Variants in MIB1 observed in about 807,000 individuals in gnomAD.
The protein encoded by MIB1 is MIB E3 ubiquitin protein ligase 1.
Under a neutral mutation model 124.5 loss-of-function variants are expected in MIB1, and 278 were observed. The observed-to-expected ratio is 2.23, with a 90% CI of 2.02 to 2.47. The LOEUF (loss-of-function observed/expected upper bound fraction) is 2.47, where lower values mean the gene tolerates loss of function less well. Among genes scored for constraint, MIB1 ranks in the 30% most tolerant of loss-of-function variants. The probability of loss-of-function intolerance (pLI) is 0.00; values close to 1 mark genes in which losing one functional copy is unlikely to be tolerated. For missense variants in MIB1, 957 were observed against 1,254.4 expected, an observed-to-expected ratio of 0.76 and a Z score of 3.58; for synonymous variants, 446 against 429.4, an observed-to-expected ratio of 1.04 and a Z score of -0.48.
At chr18:21,718,504 A>T (rs2040699643) in intron 1 of MIB1, among the ~76,000 whole-genome samples, 1 of 152,252 alleles carries the variant, frequency 6.6e-6, no homozygotes, top group Non-Finnish European at 1.5e-5. Flanking sequence ...TGGAATGTTC[A>T]GCCCAGTGAA....
chr18:21,856,472 A>G (rs1305616144), intron 18 of MIB1, among the ~76,000 whole-genome samples: 1 of 152,200 alleles, frequency 6.6e-6, no homozygotes, highest in Admixed American at 6.5e-5. Flanking sequence ...CATTGCATCA[A>G]TTTGATAAGA....
chr18:21,711,686 ATCTT>A (rs1443414381), intron 1 of MIB1, among the ~76,000 whole-genome samples: 5 of 151,996 alleles, frequency 3.3e-5, no homozygotes, highest in East Asian at 3.9e-4. Flanking sequence ...TGGTATCATA[ATCTT>A]TCTTTCTTTC....
chr18:21,810,791 AAG>A (rs2041764798), intron 10 of MIB1, among the ~76,000 whole-genome samples: 1 of 152,016 alleles, frequency 6.6e-6, no homozygotes, highest in Admixed American at 6.6e-5. Flanking sequence ...TTTGAAGAAA[AAG>A]AGGGCAAAAA....
intron 1 of MIB1, among the ~76,000 whole-genome samples, chr18:21,711,060 C>G (rs2040663590): frequency 6.6e-6 from 1 of 152,024 alleles, no homozygotes; most frequent in Non-Finnish European, 1.5e-5. Flanking sequence ...CTCCTGACCT[C>G]AGGTGATCCA....
chr18:21,845,159 T>G (rs1417362709), intron 15 of MIB1, among the ~76,000 whole-genome samples: 1 of 151,702 alleles, frequency 6.6e-6, no homozygotes, highest in Non-Finnish European at 1.5e-5. Flanking sequence ...TACAGGTGCA[T>G]GCCACCACGC....
In MIB1 at chr18:21,803,927, C is replaced by T. The variant is rs201264511; in HGVS notation, c.1392C>T (p.Gly464=). 1.2e-5 allele frequency: 20 copies of T among 1,613,052 alleles called. No homozygotes were observed. Among genetic ancestry groups the T allele is most frequent in the Non-Finnish European group, 1.7e-5 (20 of 1,179,502 alleles). ...TGTAGGTAAATGGGCAATGTGCTGG[C>T]CACACAGCTATGCAAGCTGCTAGTC... is the stretch of plus-strand genomic sequence containing the variant. ...PDVDVNGQCA[G]HTAMQAASQN... is the part of the protein sequence containing the mutation. The change falls in exon 10 of 21, where the codon GGC becomes GGT. Residue 464 remains glycine, a synonymous_variant. Coordinates refer to ENST00000261537, the MANE Select transcript of MIB1 (RefSeq NM_020774.4).
chr18:21,847,098 T>C lies in MIB1; in HGVS notation c.2366T>C (p.Leu789Pro). ...CCTGATCCGAATCTCTGCAAAGCACTGGCAAAGTGTCATAAGGAAAAAGTC... is the reference window on the plus strand; with the variant it reads ...CCTGATCCGAATCTCTGCAAAGCACCGGCAAAGTGTCATAAGGAAAAAGTC... Reference protein sequence around the residue: ...LCPDPNLCKALAKCHKEKVSG... With the variant: ...LCPDPNLCKAPAKCHKEKVSG... The change falls in exon 16 of 21, where the codon CTG (leucine) becomes CCG (proline). Residue 789 changes from leucine (L) to proline (P), a missense_variant. Transcript: ENST00000261537. 6.2e-7 allele frequency: 1 copy of C among 1,614,108 alleles called. No homozygotes were observed. The highest frequency in any genetic ancestry group is 8.5e-7 in the Non-Finnish European group (1 of 1,179,980).
At chr18:21,864,501 A>T in intron 20 of MIB1, 25 bp from the exon 21 acceptor site, 1 of 1,574,698 alleles carries the variant, frequency 6.4e-7, no homozygotes, top group South Asian at 1.1e-5. Flanking sequence ...TGTCTAATTT[A>T]TTACTTTGTT....
chr18:21,778,760 C>A (rs995090739), intron 5 of MIB1, among the ~76,000 whole-genome samples: 3 of 151,776 alleles, frequency 2.0e-5, no homozygotes, highest in Non-Finnish European at 4.4e-5. Context: ...GCCTTTGTCG[C>A]AAAAAGTGCT....
At chr18:21,724,753 T>C (rs1170467988) in intron 1 of MIB1, among the ~76,000 whole-genome samples, 5 of 98,768 alleles carry the variant, frequency 5.1e-5, no homozygotes, top group South Asian at 6.7e-4. Flanking sequence ...TATATATATA[T>C]ATATATATAT....
intron 1 of MIB1, among the ~76,000 whole-genome samples, chr18:21,747,419 A>G (rs1290407267): frequency 6.6e-6 from 1 of 152,198 alleles, no homozygotes; most frequent in African/African-American, 2.4e-5. Flanking sequence ...CTGCGAGAGT[A>G]TTTCTAATAA....
At chr18:21,796,280 A>G (rs924795907) in intron 7 of MIB1, among the ~76,000 whole-genome samples, 2 of 152,100 alleles carry the variant, frequency 1.3e-5, no homozygotes. Context: ...CATCCTTAGC[A>G]AACAAACACA....
Position 21,741,814 on chromosome 18 carries a change from T to G in MIB1, c.229+2T>G. The G allele has an allele frequency of 6.3e-7, 1 of 1,592,584 alleles. No homozygotes were observed. Among genetic ancestry groups the G allele is most frequent in the Non-Finnish European group, 8.5e-7 (1 of 1,170,594 alleles). ...GCATCCTGGACAGCGCGCCCACCGG[T>G]AAGCCGCGGCCACCTGGCCAGGGCT... is the stretch of plus-strand genomic sequence containing the variant. On this transcript the variant is annotated splice_donor_variant, in intron 1 of 20. Coordinates refer to ENST00000261537, the MANE Select transcript of MIB1 (RefSeq NM_020774.4). LOFTEE classifies it high-confidence loss of function. The surrounding 1 kb of genome is among the most constrained non-coding windows in gnomAD (Gnocchi z 5.4).
chr18:21,856,229 T>A (rs1471542944), intron 18 of MIB1, among the ~76,000 whole-genome samples: 1 of 17,748 alleles, frequency 5.6e-5, no homozygotes, highest in Non-Finnish European at 1.5e-4. Context: ...AGAGCGAGAC[T>A]CCGTCTCAAA....
At chr18:21,857,559 A>C (rs1218246403) in intron 19 of MIB1, among the ~76,000 whole-genome samples, 1 of 152,260 alleles carries the variant, frequency 6.6e-6, no homozygotes. Context: ...TGTTTTGTCA[A>C]GGGGTGGGAC....
At chr18:21,777,911 T>C (rs2041309894) in intron 4 of MIB1, among the ~76,000 whole-genome samples, 192 bp from the exon 5 acceptor site, 1 of 152,174 alleles carries the variant, frequency 6.6e-6, no homozygotes, top group African/African-American at 2.4e-5. Context: ...GTAAATAAAA[T>C]ATGACCTATC....
At position 21,717,596 on chromosome 18, in the gene MIB1, A is replaced by G. The variant is rs1338156499; in HGVS notation, n.167+12473A>G. Among the ~76,000 whole-genome samples the G allele has an allele frequency of 1.3e-5, 2 of 152,248 alleles. 1 individual carries two copies. Among genetic ancestry groups the G allele is most frequent in the Non-Finnish European group, 2.9e-5 (2 of 68,038 alleles). ...CAAAAAGTGGGCTAAGAACATGAAT[A>G]GACAATTCTCAACAGAAAAAATACA... On this transcript the variant is annotated intron_variant and non_coding_transcript_variant, in intron 1 of 20. Transcript: ENST00000578646.
chr18:21,845,996 C>T (rs2042131480), intron 15 of MIB1, among the ~76,000 whole-genome samples: 2 of 152,112 alleles, frequency 1.3e-5, no homozygotes, highest in African/African-American at 4.8e-5. Context: ...ATGTGAAGGT[C>T]TCTTTCTGGA....
rs1487398677 is a variant in MIB1, at chr18:21,838,393, C to G, written c.1858C>G (p.Pro620Ala). ...AATGCGTGTTTTACTATCTAAATTACCAAGACCATGGATTGTGGATGAGAA... is the reference window on the plus strand; with the variant it reads ...AATGCGTGTTTTACTATCTAAATTAGCAAGACCATGGATTGTGGATGAGAA... The part of the protein sequence containing the change: ...SAMRVLLSKL[P>A]RPWIVDEKKD... Residue 620 changes from proline to alanine, a missense_variant, in exon 13 of 21, where the codon CCA becomes GCA. Transcript: ENST00000261537. The G allele has an allele frequency of 3.7e-6, 6 of 1,603,174 alleles. No individual in the cohort carries two copies. Among genetic ancestry groups the G allele is most frequent in the Non-Finnish European group, 5.1e-6 (6 of 1,173,940 alleles).
Sources: allele counts gnomAD v4.1 joint callset (sites outside exome capture counted in the v4.1 genomes callset), GRCh38; gene constraint gnomAD v4.1.1; non-coding constraint Gnocchi (gnomAD v3.1); transcripts MANE v1.5; gene names NCBI Gene and HGNC (gene_info 2026-07-23, HGNC 2026-07-21).